The following MRPL32 variants were observed in gnomAD, a reference collection of about 807,000 sequenced individuals.
MRPL32 encodes mitochondrial ribosomal protein L32, also known as large ribosomal subunit protein bL32m.
A neutral mutation model predicts 21.7 loss-of-function variants in MRPL32; 14 were observed. The observed-to-expected ratio is 0.64, with a 90% confidence interval of 0.43 to 1.01. The LOEUF is 1.01. Among genes scored for constraint, MRPL32 ranks in the 50% least tolerant of loss-of-function variants. MRPL32 has a pLI of 0.00. For missense variants in MRPL32, 211 were observed against 235.9 expected, an observed-to-expected ratio of 0.89 and a Z score of 0.69; for synonymous variants, 83 against 87.7, an observed-to-expected ratio of 0.95 and a Z score of 0.30.
intron 1 of MRPL32, among the ~76,000 whole-genome samples, chr7:42,933,451 C>G (rs1038510667): frequency 1.3e-5 from 2 of 151,800 alleles, no homozygotes. Context: ...CCCTCACCTC[C>G]CCTCCCGCTT....
At position 42,932,439 on chromosome 7, in the gene MRPL32, G is replaced by A. The variant is rs148103531; in HGVS notation, c.53G>A (p.Gly18Glu). Residue 18 changes from glycine to glutamate, a missense_variant, in exon 1 of 3, where the codon GGA becomes GAA. Physicochemically the swap from Gly to Glu is moderately conservative, Grantham distance 98. Transcript: ENST00000223324. ...LVVSPWSAAR[G>E]VLRNYWERLL... is the part of the protein sequence containing the mutation. The stretch of plus-strand genomic sequence containing the variant: ...GTTTCGCCGTGGTCTGCGGCCCGGG[G>A]AGTGCTTCGAAACTACTGGGAGCGA... 3.5e-4 allele frequency: 568 copies of A among 1,612,820 alleles called. No homozygotes were observed. Among genetic ancestry groups the A allele is most frequent in the Non-Finnish European group, 4.4e-4 (523 of 1,179,218 alleles).
chr7:42,936,684 A>G (rs1480543555), intron 2 of MRPL32: 2 of 129,756 alleles, frequency 1.5e-5, no homozygotes, highest in East Asian at 2.9e-4. Flanking sequence ...ATCTATATCT[A>G]TCTCTATATA....
At chr7:42,932,748 G>A (rs1442231168) in intron 1 of MRPL32, among the ~76,000 whole-genome samples, 1 of 150,554 alleles carries the variant, frequency 6.6e-6, no homozygotes, top group Non-Finnish European at 1.5e-5. Flanking sequence ...TTCGTACACA[G>A]AATGTAACCC....
chr7:42,932,723 C>T (rs1040028905), intron 1 of MRPL32, among the ~76,000 whole-genome samples: 4 of 149,380 alleles, frequency 2.7e-5, no homozygotes, highest in South Asian at 2.1e-4. Flanking sequence ...AAAAAAAATT[C>T]CTCTGCTTGT....
chr7:42,934,917 A>G (rs372593197), intron 1 of MRPL32, 38 bp from the exon 2 acceptor site: 4 of 1,475,300 alleles, frequency 2.7e-6, no homozygotes, highest in Non-Finnish European at 3.6e-6. Flanking sequence ...TTTAGAAGCT[A>G]GAAACTAATT....
intron 1 of MRPL32, among the ~76,000 whole-genome samples, chr7:42,933,192 G>A (rs1786361194): frequency 6.6e-6 from 1 of 152,128 alleles, no homozygotes; most frequent in South Asian, 2.1e-4. Flanking sequence ...ACCTACTATC[G>A]GGGTATGTTG....
chr7:42,932,571 C>G, intron 1 of MRPL32, 55 bp downstream of exon 1: 1 of 1,521,044 alleles, frequency 6.6e-7, no homozygotes, highest in Non-Finnish European at 8.9e-7. Flanking sequence ...CCTCGGGCAG[C>G]GTAGCAGACG....
At position 42,937,606 on chromosome 7, in the gene MRPL32, A is replaced by G. The variant is rs774705152; in HGVS notation, c.*30A>G. The G allele has an allele frequency of 1.9e-6, 3 of 1,562,470 alleles. No homozygotes were observed. The highest frequency in any genetic ancestry group is 1.4e-5 in the African/African-American group (1 of 72,942). On this transcript the variant is annotated 3_prime_UTR_variant, in exon 3 of 3. Coordinates refer to ENST00000223324, the MANE Select transcript of MRPL32 (RefSeq NM_031903.3). ...AAAGATGTTAAAAGGGTAACTTCAC[A>G]GTAAATCATTTCTCCTGAAATAGAG...
chr7:42,937,389 A>T lies in MRPL32; in HGVS notation c.380A>T (p.Tyr127Phe). ...AAACATGTCCTTTGTGCCTACTGCTATGAAAAGGTGTGCAAGGAGACTGCA... is the reference window on the plus strand; with the variant it reads ...AAACATGTCCTTTGTGCCTACTGCTTTGAAAAGGTGTGCAAGGAGACTGCA... ...KQKHVLCAYC[Y>F]EKVCKETAEI... The change falls in exon 3 of 3, where the codon TAT becomes TTT. Residue 127 changes from tyrosine (Y) to phenylalanine (F), a missense_variant. This residue lies in a region of MRPL32 where 130 missense variants were observed against 180.1 expected (regional missense o/e 0.72). Transcript: ENST00000223324. The T allele has an allele frequency of 6.2e-7, 1 of 1,614,232 alleles. No homozygotes were observed. The highest frequency in any genetic ancestry group is 8.5e-7 in the Non-Finnish European group (1 of 1,180,042).
chr7:42,935,264 T>C (rs1011680058), intron 2 of MRPL32, 128 bp downstream of exon 2: 1 of 747,420 alleles, frequency 1.3e-6, no homozygotes, highest in Non-Finnish European at 2.2e-6. Context: ...CTGGCCTAAA[T>C]GAAATACAGT....
chr7:42,935,049 CTT>C lies in MRPL32; in HGVS notation c.228_229del (p.Phe76LeufsTer8). 1 of 1,614,068 alleles carries C rather than the reference CTT, an allele frequency of 6.2e-7. No individual in the cohort carries two copies. Among genetic ancestry groups the C allele is most frequent in the Non-Finnish European group, 8.5e-7 (1 of 1,180,004 alleles). On this transcript the variant is annotated frameshift_variant, in exon 2 of 3. Transcript: ENST00000223324. LOFTEE classifies it high-confidence loss of function. Reference sequence around the variant, plus strand: ...AGAATTCCAGCCTTTTGGACAGTATCTTTTGGATGGCAGCTCCCAAAAATAGA... The same window carrying C: ...AGAATTCCAGCCTTTTGGACAGTATCTTGGATGGCAGCTCCCAAAAATAGA... ...KENSSLLDSIFWMAAPKNRRT... is the reference protein window; with the variant it reads ...KENSSLLDSIXWMAAPKNRRT...
chr7:42,937,363 G>C lies in MRPL32; in HGVS notation c.354G>C (p.Gln118His), dbSNP rs542517584. 6.8e-6 allele frequency: 11 copies of C among 1,614,216 alleles called. No individual in the cohort carries two copies. The highest frequency in any genetic ancestry group is 6.7e-5 in the East Asian group (3 of 44,890). ...GTCCTGAATGTGGTCACCTGAAACAGAAACATGTCCTTTGTGCCTACTGCT... is the reference window on the plus strand; with the variant it reads ...GTCCTGAATGTGGTCACCTGAAACACAAACATGTCCTTTGTGCCTACTGCT... ...DVCPECGHLK[Q>H]KHVLCAYCYE... Residue 118 changes from glutamine to histidine, a missense_variant, in exon 3 of 3, where the codon CAG (glutamine) becomes CAC (histidine). Coordinates refer to ENST00000223324, the MANE Select transcript of MRPL32 (RefSeq NM_031903.3).
rs146917176 is a variant in MRPL32 at position 42,937,551 on chromosome 7, G to A, written c.542G>A (p.Arg181Gln). 49 of 1,611,530 alleles carry A rather than the reference G, an allele frequency of 3.0e-5. No homozygotes were observed. Among genetic ancestry groups the A allele is most frequent in the African/African-American group, 6.7e-5 (5 of 74,814 alleles). ...AGGATCATTGAACGAGACAGAAAGC[G>A]ACCATCCTGGTTCACCCAGAATTGA... is the stretch of plus-strand genomic sequence containing the variant. ...GKRIIERDRKRPSWFTQN is the reference protein window; with the variant it reads ...GKRIIERDRKQPSWFTQN The change falls in exon 3 of 3, where the codon CGA becomes CAA. Residue 181 changes from arginine to glutamine, a missense_variant. Coordinates refer to ENST00000223324, the MANE Select transcript of MRPL32 (RefSeq NM_031903.3).
Position 42,932,431 on chromosome 7 carries a change from G to A in MRPL32, c.45G>A (p.Ala15=). Reference sequence around the variant, plus strand: ...TCTTGGTGGTTTCGCCGTGGTCTGCGGCCCGGGGAGTGCTTCGAAACTACT... The same window carrying A: ...TCTTGGTGGTTTCGCCGTGGTCTGCAGCCCGGGGAGTGCTTCGAAACTACT... ...MLVLVVSPWS[A]ARGVLRNYWE... The change falls in exon 1 of 3, where the codon GCG becomes GCA. Residue 15 remains alanine, a synonymous_variant. Coordinates refer to ENST00000223324, the MANE Select transcript of MRPL32 (RefSeq NM_031903.3). The A allele has an allele frequency of 6.2e-7, 1 of 1,611,934 alleles. No individual in the cohort carries two copies. The highest frequency in any genetic ancestry group is 8.5e-7 in the Non-Finnish European group (1 of 1,178,788).
At chr7:42,937,211 T>A (rs775233754) in intron 2 of MRPL32, 111 bp from the exon 3 acceptor site, 2 of 1,596,684 alleles carry the variant, frequency 1.3e-6, no homozygotes, top group Non-Finnish European at 1.7e-6. Context: ...GATGACCTCA[T>A]GTAGCCTGAA....
chr7:42,933,864 T>C (rs1786377034), intron 1 of MRPL32, among the ~76,000 whole-genome samples: 1 of 152,206 alleles, frequency 6.6e-6, no homozygotes, highest in Non-Finnish European at 1.5e-5. Flanking sequence ...CCTGAGCCTG[T>C]GTTGTTAATC....
rs1208769736 is a variant in MRPL32 at position 42,937,838 on chromosome 7, T to C, written c.*262T>C. The stretch of plus-strand genomic sequence containing the variant: ...AAATTTCCAGAACAAAAATAAAAAA[T>C]TTAAAATTCATAGCAAAAATTCTGT... On this transcript the variant is annotated 3_prime_UTR_variant, in exon 3 of 3. Coordinates refer to ENST00000223324, the MANE Select transcript of MRPL32 (RefSeq NM_031903.3). 3.5e-6 allele frequency: 1 copy of C among 289,794 alleles called. No homozygotes were observed. Among genetic ancestry groups the C allele is most frequent in the Non-Finnish European group, 6.3e-6 (1 of 158,570 alleles). The allele number at this position is 289,794 out of a possible 1,614,324, so 18.0% of individuals were successfully genotyped here.
At position 42,937,689 on chromosome 7, in the gene MRPL32, C is replaced by CT. The variant is rs1786451912; in HGVS notation, c.*116dup. On this transcript the variant is annotated 3_prime_UTR_variant, in exon 3 of 3. Transcript: ENST00000223324. ...AATCATCAGTATAGTTTAACACATT[C>CT]TTTCTAAGCAGTTTTGTGTGGGATA... 1 of 1,148,620 alleles carries CT rather than the reference C, an allele frequency of 8.7e-7. No individual in the cohort carries two copies. Among genetic ancestry groups the CT allele is most frequent in the Non-Finnish European group, 1.2e-6 (1 of 841,622 alleles). 71.2% of individuals were successfully genotyped at this position (1,148,620 alleles called of 1,614,324 possible).
chr7:42,932,391 C>T lies in MRPL32; in HGVS notation c.5C>T (p.Ala2Val), dbSNP rs772371895. 1.9e-6 allele frequency: 3 copies of T among 1,607,352 alleles called. No homozygotes were observed. The highest frequency in any genetic ancestry group is 1.1e-5 in the South Asian group (1 of 90,922). Residue 2 changes from alanine to valine, a missense_variant, in exon 1 of 3, where the codon GCG becomes GTG. By Grantham distance (64) the Ala-to-Val change is moderately conservative. This residue lies in a region of MRPL32 where 81 missense variants were observed against 55.8 expected (regional missense o/e 1.45). Coordinates refer to ENST00000223324, the MANE Select transcript of MRPL32 (RefSeq NM_031903.3). Reference sequence around the variant, plus strand: ...GGCGGTCTTCCAGCAGGGAAAATGGCGCTGGCCATGCTGGTCTTGGTGGTT... The same window carrying T: ...GGCGGTCTTCCAGCAGGGAAAATGGTGCTGGCCATGCTGGTCTTGGTGGTT... MALAMLVLVVSP... is the reference protein window; with the variant it reads MVLAMLVLVVSP...
Sources: gnomAD v4.1 joint callset for allele counts (sites outside exome capture counted in the v4.1 genomes callset) on GRCh38, gnomAD v4.1.1 for gene constraint, gnomAD v4.1.1 regional missense constraint, MANE v1.5 for transcripts, NCBI Gene and HGNC (gene_info 2026-07-23, HGNC 2026-07-21) for gene names.